The following LUZP2 variants were observed in gnomAD, a reference collection of about 807,000 sequenced individuals.
LUZP2 encodes the protein leucine zipper protein 2.
LUZP2 carries 52 observed loss-of-function variants against 51.6 expected under a neutral mutation model. That is an observed-to-expected ratio of 1.01 (90% CI 0.81 to 1.27). The LOEUF is 1.27. LUZP2 is among the 50% of genes most tolerant of loss of function. The probability of loss-of-function intolerance (pLI) is 0.00; values close to 1 mark genes in which losing one functional copy is unlikely to be tolerated. For synonymous variants in LUZP2, 154 were observed against 137.3 expected (o/e 1.12, Z -0.85); for missense variants, 436 against 395.4 (o/e 1.10, Z -0.87).
intron 1 of LUZP2, among the ~76,000 whole-genome samples, chr11:24,720,849 G>A (rs1478713121): frequency 6.6e-6 from 1 of 152,112 alleles, no homozygotes. Context: ...ACAGGCGCCC[G>A]CCACCACGTC....
intron 7 of LUZP2, among the ~76,000 whole-genome samples, chr11:24,922,941 C>A (rs1207881618): frequency 6.8e-6 from 1 of 147,178 alleles, no homozygotes; most frequent in Non-Finnish European, 1.5e-5. Flanking sequence ...CTCCGCCTCC[C>A]GGGTTCATGC....
intron 1 of LUZP2, among the ~76,000 whole-genome samples, chr11:24,723,535 T>C (rs970798606): frequency 1.3e-5 from 2 of 152,136 alleles, no homozygotes; most frequent in Admixed American, 1.3e-4. Context: ...TATTAAAAAT[T>C]AATAAACTGG....
intron 4 of LUZP2, among the ~76,000 whole-genome samples, chr11:24,754,295 C>A (rs1183076852): frequency 1.3e-5 from 2 of 151,762 alleles, no homozygotes; most frequent in Non-Finnish European, 2.9e-5. Flanking sequence ...TCATGCTCTG[C>A]CAGTGTTTTC....
intron 5 of LUZP2, among the ~76,000 whole-genome samples, chr11:24,824,968 A>G (rs1590598208): frequency 6.6e-6 from 1 of 152,082 alleles, no homozygotes; most frequent in African/African-American, 2.4e-5. Flanking sequence ...ATTTCACGTG[A>G]GCTTTATCTA....
At chr11:24,636,016 C>T (rs1459662111) in intron 1 of LUZP2, among the ~76,000 whole-genome samples, 1 of 152,156 alleles carries the variant, frequency 6.6e-6, no homozygotes, top group Non-Finnish European at 1.5e-5. Context: ...GCAATCTACT[C>T]TGGAACTTCT....
chr11:24,661,396 C>T (rs185338859), intron 1 of LUZP2, among the ~76,000 whole-genome samples: 12 of 152,294 alleles, frequency 7.9e-5, no homozygotes, highest in South Asian at 6.2e-4. Context: ...AACTTAGAAA[C>T]GCACTCAGCA....
At chr11:24,930,772 C>T (rs1052730828) in intron 7 of LUZP2, among the ~76,000 whole-genome samples, 3 of 152,148 alleles carry the variant, frequency 2.0e-5, no homozygotes, top group African/African-American at 4.8e-5. Context: ...ATCTAGATCT[C>T]TAGTAAGGTT....
At chr11:24,548,092 A>T (rs1209333205) in intron 1 of LUZP2, among the ~76,000 whole-genome samples, 1 of 152,126 alleles carries the variant, frequency 6.6e-6, no homozygotes, top group African/African-American at 2.4e-5. Context: ...ATGCATATAC[A>T]CTGCTGGTGG....
At chr11:25,037,151 A>G (rs920612844) in intron 9 of LUZP2, among the ~76,000 whole-genome samples, 1 of 152,126 alleles carries the variant, frequency 6.6e-6, no homozygotes, top group African/African-American at 2.4e-5. Flanking sequence ...TTGGGTGTGC[A>G]TATATTTAGG....
chr11:24,844,920 G>A (rs193125363), intron 5 of LUZP2, among the ~76,000 whole-genome samples: 4 of 152,360 alleles, frequency 2.6e-5, no homozygotes, highest in Non-Finnish European at 5.9e-5. Context: ...TACCCAGGTG[G>A]AAGTTTGCTG....
rs979072306 is a variant in LUZP2, at chr11:24,763,368, CAT to C, written c.396+64_396+65del. 3.1e-5 allele frequency: 24 copies of C among 776,012 alleles called. No individual in the cohort carries two copies. In the African/African-American group the frequency reaches 4.2e-4, roughly 14 times the overall value. The allele number at this position is 776,012 out of a possible 1,614,324, so 48.1% of individuals were successfully genotyped here. ...AGATCAAATAATATACATAAATGCA[CAT>C]ATAAAGTTGCCACTAGTTTGGAGTA... On this transcript the variant is annotated intron_variant, in intron 5 of 11. Coordinates refer to ENST00000336930, the MANE Select transcript of LUZP2 (RefSeq NM_001009909.4).
At chr11:24,794,382 A>G (rs1360150860) in intron 5 of LUZP2, among the ~76,000 whole-genome samples, 2 of 152,156 alleles carry the variant, frequency 1.3e-5, no homozygotes, top group Non-Finnish European at 2.9e-5. Flanking sequence ...GAATGTGTGC[A>G]GTCTCTGCTA....
intron 3 of LUZP2, among the ~76,000 whole-genome samples, chr11:24,733,646 T>C (rs897010110): frequency 6.6e-6 from 1 of 151,548 alleles, no homozygotes; most frequent in Non-Finnish European, 1.5e-5. Context: ...GGTGGTGAGA[T>C]GTTGGCTAAA....
chr11:24,952,202 G>A (rs1253177303), intron 7 of LUZP2, among the ~76,000 whole-genome samples: 5 of 151,494 alleles, frequency 3.3e-5, no homozygotes, highest in South Asian at 2.1e-4. Flanking sequence ...CATCGCCATC[G>A]TTATTTTTCC....
chr11:25,045,839 C>T (rs572459646), intron 9 of LUZP2, among the ~76,000 whole-genome samples: 2 of 152,214 alleles, frequency 1.3e-5, no homozygotes, highest in Admixed American at 6.5e-5. Flanking sequence ...CTGTATCATC[C>T]AGGCCTCTGT....
intron 1 of LUZP2, among the ~76,000 whole-genome samples, chr11:24,598,279 C>A (rs1342848767): frequency 2.6e-5 from 4 of 151,934 alleles, no homozygotes; most frequent in African/African-American, 9.7e-5. Context: ...ATAAATAAGA[C>A]TCATTAGTAA....
chr11:24,566,818 T>A (rs1735169456), intron 1 of LUZP2, among the ~76,000 whole-genome samples: 3 of 142,664 alleles, frequency 2.1e-5, no homozygotes, highest in Admixed American at 1.4e-4. Context: ...ATATATAACT[T>A]ATATATACAT....
At chr11:25,010,618 A>T (rs1278745835) in intron 9 of LUZP2, among the ~76,000 whole-genome samples, 1 of 152,050 alleles carries the variant, frequency 6.6e-6, no homozygotes, top group East Asian at 1.9e-4. Context: ...AGGCTGAGGG[A>T]GGCTTGAACT....
chr11:24,959,561 T>C (rs970424096), intron 7 of LUZP2, among the ~76,000 whole-genome samples: 1 of 152,204 alleles, frequency 6.6e-6, no homozygotes, highest in African/African-American at 2.4e-5. Context: ...TTGTCTGTTA[T>C]TGGTGTATAA....
Sources: allele counts gnomAD v4.1 joint callset (sites outside exome capture counted in the v4.1 genomes callset), GRCh38; gene constraint gnomAD v4.1.1; transcripts MANE v1.5; gene names NCBI Gene and HGNC (gene_info 2026-07-23, HGNC 2026-07-21).